The following KIF5C variants were observed in gnomAD, a reference collection of about 807,000 sequenced individuals.
KIF5C encodes the protein kinesin heavy chain isoform 5C.
A neutral mutation model predicts 125.2 loss-of-function variants in KIF5C; 18 were observed. The ratio of observed to expected loss-of-function variants is 0.14; its 90% confidence interval spans 0.10 to 0.21. The LOEUF (loss-of-function observed/expected upper bound fraction) is 0.21, where lower values mean the gene tolerates loss of function less well. KIF5C is among the 10% of genes least tolerant of loss of function. The pLI is 1.00. For synonymous variants in KIF5C, 405 were observed against 434.0 expected (o/e 0.93, Z 0.83); for missense variants, 780 against 1,183.8 (o/e 0.66, Z 5.01).
intron 25 of KIF5C, among the ~76,000 whole-genome samples, chr2:149,021,735 TAATCAAAAGAGAAGTTGGGC>T (rs1558953687): frequency 1.4e-5 from 2 of 146,492 alleles, no homozygotes; most frequent in African/African-American, 2.6e-5. Context: ...TTTTTTTTTT[TAATCAAAAGAGAAGTTGGGC>T]TTTTCTTAGT....
intron 1 of KIF5C, among the ~76,000 whole-genome samples, chr2:148,895,514 T>A (rs78472583): frequency 6.6e-6 from 1 of 151,834 alleles, no homozygotes; most frequent in African/African-American, 2.4e-5. Flanking sequence ...CTTTTTTTTT[T>A]ATCTTGAATC....
At chr2:148,984,915 C>T (rs930627672) in intron 15 of KIF5C, among the ~76,000 whole-genome samples, 14 of 152,106 alleles carry the variant, frequency 9.2e-5, no homozygotes, top group African/African-American at 3.4e-4. Flanking sequence ...CTCAGTCTGC[C>T]GAGTAGCTGG....
At chr2:148,989,337 T>TACACACAC (rs59582798) in intron 15 of KIF5C, among the ~76,000 whole-genome samples, 3,123 of 147,898 alleles carry the variant, frequency 0.021, 38 homozygotes, top group Middle Eastern at 0.042. Flanking sequence ...TCCATGATTT[T>TACACACAC]ACACACACAC....
At chr2:148,942,906 A>C in intron 7 of KIF5C, 146 bp downstream of exon 7, 4 of 1,384,120 alleles carry the variant, frequency 2.9e-6, no homozygotes, top group Non-Finnish European at 3.9e-6. Context: ...ACGCCAGGGT[A>C]TGTGTGCTAT....
Position 148,875,591 on chromosome 2 carries a change from C to CCCCT in KIF5C, c.-27_-26insCCCT. ...CCGGCCCCGGCCCCCCACCCATCCC[C>CCCCT]GTGCCCCCTCCCTACCGCCGGCCGA... On this transcript the variant is annotated 5_prime_UTR_variant, in exon 1 of 26. Transcript: ENST00000435030. 1.4e-6 allele frequency: 2 copies of CCCCT among 1,385,730 alleles called. No individual in the cohort carries two copies. The highest frequency in any genetic ancestry group is 2.0e-5 in the Admixed American group (1 of 49,162). 85.8% of individuals were successfully genotyped at this position (1,385,730 alleles called of 1,614,324 possible).
rs540532785 is a variant in KIF5C, at chr2:148,991,103, C to A, written c.1810C>A (p.Arg604Ser). 1.2e-6 allele frequency: 2 copies of A among 1,613,850 alleles called. No individual in the cohort carries two copies. Among genetic ancestry groups the A allele is most frequent in the Non-Finnish European group, 1.7e-6 (2 of 1,179,844 alleles). ...MKSEVKSLVNRSKQLESAQMD... is the reference protein window; with the variant it reads ...MKSEVKSLVNSSKQLESAQMD... Reference sequence around the variant, plus strand: ...GTCAGAGGTCAAGTCCCTGGTGAACCGCAGCAAACAGCTCGAGAGCGCCCA... The same window carrying A: ...GTCAGAGGTCAAGTCCCTGGTGAACAGCAGCAAACAGCTCGAGAGCGCCCA... Residue 604 changes from arginine to serine, a missense_variant, in exon 16 of 26, where the codon CGC becomes AGC. Physicochemically the swap from Arg to Ser is moderately radical, Grantham distance 110. Transcript: ENST00000435030.
At position 149,011,674 on chromosome 2, in the gene KIF5C, TA is replaced by T. The variant is rs749080925; in HGVS notation, c.*1del. 6.2e-7 allele frequency: 1 copy of T among 1,613,884 alleles called. No individual in the cohort carries two copies. The highest frequency in any genetic ancestry group is 1.3e-5 in the African/African-American group (1 of 74,918). On this transcript the variant is annotated frameshift_variant and stop_lost, in exon 25 of 26. Transcript: ENST00000435030. LOFTEE classifies it high-confidence loss of function. The part of the protein sequence containing the change: ...SSSNSTHYQK[*>X] ...TTCAAATTCCACTCACTACCAGAAA[TA>T]AATACAAAGTGAGTCCCATGTCAAG...
chr2:148,945,582 G>A (rs752050488), intron 7 of KIF5C, among the ~76,000 whole-genome samples: 1 of 151,990 alleles, frequency 6.6e-6, no homozygotes, highest in Non-Finnish European at 1.5e-5. Flanking sequence ...TAGGCTATTG[G>A]GGTACAGGTG....
intron 21 of KIF5C, 49 bp downstream of exon 21, chr2:149,000,831 A>G: frequency 6.2e-7 from 1 of 1,604,794 alleles, no homozygotes; most frequent in South Asian, 1.1e-5. Flanking sequence ...GACCGGATTC[A>G]TTTGTGATTT....
chr2:149,011,544 C>T (rs769729729), intron 24 of KIF5C, 26 bp from the exon 25 acceptor site: 2 of 1,613,360 alleles, frequency 1.2e-6, no homozygotes, highest in Non-Finnish European at 1.7e-6. Flanking sequence ...TGTCTGTTCT[C>T]TCTTCTTTCT....
chr2:148,899,318 G>A (rs535238675), intron 1 of KIF5C, among the ~76,000 whole-genome samples: 25 of 152,216 alleles, frequency 1.6e-4, no homozygotes, highest in African/African-American at 5.8e-4. Context: ...TTGGATTAAC[G>A]AAAATGGAAC....
intron 11 of KIF5C, among the ~76,000 whole-genome samples, chr2:148,971,515 G>A (rs571012012): frequency 1.3e-5 from 2 of 152,240 alleles, no homozygotes; most frequent in Admixed American, 6.5e-5. Flanking sequence ...ATATTGATTT[G>A]GTTCAGGTTC....
At chr2:148,915,946 C>T (rs923840447) in intron 1 of KIF5C, among the ~76,000 whole-genome samples, 3 of 152,182 alleles carry the variant, frequency 2.0e-5, no homozygotes, top group Non-Finnish European at 4.4e-5. Flanking sequence ...AAAGTATTGA[C>T]CCCCCAACTC....
chr2:148,917,484 A>G (rs2105075898), intron 1 of KIF5C, among the ~76,000 whole-genome samples: 1 of 152,336 alleles, frequency 6.6e-6, no homozygotes, highest in Admixed American at 6.5e-5. Context: ...AGTTTGTAAA[A>G]TGGGGATAAT....
rs190336197 is a variant in KIF5C at position 148,988,882 on chromosome 2, A to G, written c.1717-2128A>G. 6.6e-5 allele frequency among the ~76,000 whole-genome samples: 10 copies of G among 152,272 alleles called. No individual in the cohort carries two copies. The East Asian group carries it at 1.7e-3, about 26-fold the overall frequency. On this transcript the variant is annotated intron_variant, in intron 15 of 25. Transcript: ENST00000435030. ...TAGAGTCAGAAATAGATACTTGTCA[A>G]TTTTCTTGCTGTTGACATACATTCT...
chr2:148,891,088 G>A (rs1007036084), intron 1 of KIF5C, among the ~76,000 whole-genome samples: 3 of 152,134 alleles, frequency 2.0e-5, no homozygotes, highest in African/African-American at 7.2e-5. Flanking sequence ...GAAGAATTTT[G>A]CATTGTGGGT....
chr2:149,013,263 T>G (rs1682264711), intron 25 of KIF5C, among the ~76,000 whole-genome samples: 1 of 152,190 alleles, frequency 6.6e-6, no homozygotes, highest in South Asian at 2.1e-4. Context: ...CCTCCTGAAC[T>G]CAAGGCCAGC....
At chr2:148,947,147 CT>C in intron 8 of KIF5C, 124 bp downstream of exon 8, 1 of 1,383,980 alleles carries the variant, frequency 7.2e-7, no homozygotes. Context: ...TTCTGAGGCT[CT>C]GCCAAGGTGT....
chr2:148,981,607 T>C, intron 14 of KIF5C, 46 bp downstream of exon 14: 1 of 1,527,194 alleles, frequency 6.5e-7, no homozygotes, highest in Non-Finnish European at 8.8e-7. Context: ...TGGCTGCCGT[T>C]CCTGTACTCA....
Sources: gnomAD v4.1 joint callset for allele counts (sites outside exome capture counted in the v4.1 genomes callset) on GRCh38, gnomAD v4.1.1 for gene constraint, MANE v1.5 for transcripts, NCBI Gene and HGNC (gene_info 2026-07-23, HGNC 2026-07-21) for gene names.